Variants in STIM1 observed in about 807,000 individuals in gnomAD.
STIM1 encodes the protein stromal interaction molecule 1.
STIM1 carries 25 observed loss-of-function variants against 74.7 expected under a neutral mutation model. The observed-to-expected ratio is 0.33, with a 90% confidence interval of 0.24 to 0.47. The LOEUF (loss-of-function observed/expected upper bound fraction) is 0.47, where lower values mean the gene tolerates loss of function less well. STIM1 is among the 20% of genes least tolerant of loss of function. The pLI, the probability that STIM1 is intolerant of heterozygous loss-of-function variation, is 1.00. For synonymous variants in STIM1, 328 were observed against 348.8 expected, an observed-to-expected ratio of 0.94 and a Z score of 0.66; for missense variants, 728 against 920.8, an observed-to-expected ratio of 0.79 and a Z score of 2.71.
At chr11:3,890,141 C>T (rs1251814216) in intron 1 of STIM1, among the ~76,000 whole-genome samples, 1 of 152,126 alleles carries the variant, frequency 6.6e-6, no homozygotes, top group East Asian at 1.9e-4. Context: ...TTTCTTACTG[C>T]CTCTTAGATA....
intron 1 of STIM1, among the ~76,000 whole-genome samples, chr11:3,950,021 T>C (rs1176261712): frequency 6.6e-6 from 1 of 152,210 alleles, no homozygotes; most frequent in Non-Finnish European, 1.5e-5. Context: ...AAATGTTACA[T>C]AAATGGAATC....
Position 3,902,883 on chromosome 11 carries a change from T to C in STIM1, c.139+46474T>C, listed in dbSNP as rs2092385155. On this transcript the variant is annotated intron_variant, in intron 1 of 12. Coordinates refer to ENST00000526596, the MANE Select transcript of STIM1 (RefSeq NM_001382567.1). ...GTGGATAGAGGCAAAGGATCATAAA[T>C]GATCGTCAGAAGGGAGCTGGTGGAT... Among the ~76,000 whole-genome samples, 3 of 152,140 alleles carry C rather than the reference T, an allele frequency of 2.0e-5. No homozygotes were observed. The South Asian group carries it at 6.2e-4, about 31-fold the overall frequency.
At chr11:4,028,350 G>T (rs1438724890) in intron 3 of STIM1, among the ~76,000 whole-genome samples, 3 of 151,960 alleles carry the variant, frequency 2.0e-5, no homozygotes, top group Non-Finnish European at 4.4e-5. Flanking sequence ...CTAAAATGCT[G>T]GGATTACAGG....
In STIM1 at chr11:4,013,690, C is replaced by CTTTTTTTTTTTT. The variant is rs1169600270; in HGVS notation, c.271-10162_271-10151dup. Among the ~76,000 whole-genome samples the CTTTTTTTTTTTT allele has an allele frequency of 2.3e-4, 12 of 51,928 alleles. 1 individual carries two copies. Among genetic ancestry groups the CTTTTTTTTTTTT allele is most frequent in the African/African-American group, 3.8e-4 (4 of 10,520 alleles). 34.1% of individuals were successfully genotyped at this position (51,928 alleles called of 152,430 possible). A position where few individuals can be genotyped will look rare whatever the true frequency, so the allele number is the denominator to read the frequency against. On this transcript the variant is annotated intron_variant, in intron 2 of 12. Transcript: ENST00000526596. ...AACCAGCTCCTGGATTCATTGATTT[C>CTTTTTTTTTTTT]TTTTTTTTTTTTTTTTTTTTTTTTT...
At chr11:4,074,427 G>C in intron 6 of STIM1, 75 bp from the exon 7 acceptor site, 3 of 1,530,130 alleles carry the variant, frequency 2.0e-6, no homozygotes, top group East Asian at 2.3e-5. Context: ...TTTCCTCTTT[G>C]ATGCCATGAC....
chr11:3,880,593 T>G (rs2091464435), intron 1 of STIM1, among the ~76,000 whole-genome samples: 1 of 152,204 alleles, frequency 6.6e-6, no homozygotes, highest in African/African-American at 2.4e-5. Context: ...TTTAGTTATT[T>G]CTGAAACCAG....
chr11:4,014,379 C>G (rs941058660), intron 2 of STIM1, among the ~76,000 whole-genome samples: 19 of 152,152 alleles, frequency 1.2e-4, no homozygotes, highest in Admixed American at 5.9e-4. Context: ...CTTCTTAATC[C>G]TGAGTTCTAA....
chr11:3,946,485 T>C (rs1450001066), intron 1 of STIM1, among the ~76,000 whole-genome samples: 2 of 152,164 alleles, frequency 1.3e-5, no homozygotes, highest in Non-Finnish European at 2.9e-5. Flanking sequence ...ACAAAGAAAG[T>C]AGCATACTTT....
chr11:4,009,651 A>G (rs2093817290), intron 2 of STIM1, among the ~76,000 whole-genome samples: 1 of 151,680 alleles, frequency 6.6e-6, no homozygotes, highest in Non-Finnish European at 1.5e-5. Flanking sequence ...AGTAAAATAA[A>G]ATTAATTTGT....
chr11:4,028,205 C>T (rs1438495604), intron 3 of STIM1, among the ~76,000 whole-genome samples: 1 of 152,032 alleles, frequency 6.6e-6, no homozygotes, highest in African/African-American at 2.4e-5. Flanking sequence ...CCTCAGCCTC[C>T]CGAGTAGCTG....
intron 1 of STIM1, among the ~76,000 whole-genome samples, chr11:3,863,009 C>T (rs968773726): frequency 6.6e-6 from 1 of 152,098 alleles, no homozygotes; most frequent in African/African-American, 2.4e-5. Context: ...TCTTCTGTCT[C>T]AGCCTCCCAA....
intron 1 of STIM1, among the ~76,000 whole-genome samples, chr11:3,960,992 C>T (rs1358332058): frequency 2.6e-5 from 4 of 151,786 alleles, no homozygotes; most frequent in South Asian, 2.1e-4. Flanking sequence ...CTGTCATCAC[C>T]ATGTCCCTGA....
At chr11:3,879,840 T>G (rs2091435002) in intron 1 of STIM1, among the ~76,000 whole-genome samples, 1 of 152,220 alleles carries the variant, frequency 6.6e-6, no homozygotes. Context: ...GGAGGTTTGG[T>G]TGGTGACCCA....
At chr11:4,069,906 C>A in intron 5 of STIM1, 120 bp from the exon 6 acceptor site, 2 of 1,091,920 alleles carry the variant, frequency 1.8e-6, no homozygotes, top group Non-Finnish European at 2.8e-6. Context: ...AAACTAATTC[C>A]TTCTCAGTGG....
rs2133263867 is a variant in STIM1 at position 4,091,384 on chromosome 11, C to A, written c.1737C>A (p.Leu579=). ...TGAGCCGTGCTGCAGACGAGGCTCT[C>A]AATGCCATGACTTCCAATGGCAGCC... ...PQMSRAADEA[L]NAMTSNGSHR... is the part of the protein sequence containing the mutation. The change falls in exon 13 of 13, where the codon CTC becomes CTA. Residue 579 remains leucine, a synonymous_variant. Transcript: ENST00000526596. The A allele has an allele frequency of 6.2e-7, 1 of 1,614,242 alleles. No homozygotes were observed. Among genetic ancestry groups the A allele is most frequent in the Non-Finnish European group, 8.5e-7 (1 of 1,180,046 alleles).
chr11:3,897,824 T>C (rs1316581585), intron 1 of STIM1, among the ~76,000 whole-genome samples: 1 of 152,154 alleles, frequency 6.6e-6, no homozygotes, highest in East Asian at 1.9e-4. Flanking sequence ...TTCATCCATG[T>C]CCCTACAAAG....
At position 4,082,270 on chromosome 11, in the gene STIM1, G is replaced by A. The variant is rs1242314029; in HGVS notation, c.1056G>A (p.Gln352=). ...CAGAGGCCCTTCAGAAGTGGCTGCA[G>A]CTGACACATGAGGTGGAGGTGCAAT... ...YAPEALQKWL[Q]LTHEVEVQYY... is the part of the protein sequence containing the mutation. Residue 352 remains glutamine (Q), a synonymous_variant, in exon 8 of 13, where the codon CAG becomes CAA. Coordinates refer to ENST00000526596, the MANE Select transcript of STIM1 (RefSeq NM_001382567.1). The A allele has an allele frequency of 6.2e-7, 1 of 1,614,048 alleles. No homozygotes were observed. The highest frequency in any genetic ancestry group is 1.7e-5 in the Admixed American group (1 of 60,032).
At chr11:3,879,685 C>T (rs7120828) in intron 1 of STIM1, among the ~76,000 whole-genome samples, 46,127 of 152,068 alleles carry the variant, frequency 0.3, 8,156 homozygotes, top group African/African-American at 0.49. Flanking sequence ...TAATTAGGGG[C>T]AGAACAGAAA....
At position 4,089,403 on chromosome 11, in the gene STIM1, C is replaced by T. The variant is rs1286630304; in HGVS notation, c.1635-1879C>T. ...CCTTTTTCTCAGTGTGATTGCTTCC[C>T]AGAACTTCCTTGGCACCTTGCTCAT... On this transcript the variant is annotated intron_variant, in intron 12 of 12. Transcript: ENST00000526596. Among the ~76,000 whole-genome samples the T allele has an allele frequency of 2.6e-5, 4 of 152,044 alleles. No homozygotes were observed. In the East Asian group the frequency reaches 7.7e-4, roughly 29 times the overall value.
Sources: allele counts gnomAD v4.1 joint callset (sites outside exome capture counted in the v4.1 genomes callset), GRCh38; gene constraint gnomAD v4.1.1; transcripts MANE v1.5; gene names NCBI Gene and HGNC (gene_info 2026-07-23, HGNC 2026-07-21).